Variants in DHRS2 observed in about 807,000 individuals in gnomAD.
DHRS2 encodes the protein dehydrogenase/reductase 2.
A neutral mutation model predicts 26.3 loss-of-function variants in DHRS2; 29 were observed. The observed-to-expected ratio is 1.10, with a 90% confidence interval of 0.82 to 1.50. The LOEUF is 1.50. DHRS2 is among the 40% of genes most tolerant of loss of function. The pLI is 0.00. For missense variants in DHRS2, 439 were observed against 367.1 expected, an observed-to-expected ratio of 1.20 and a Z score of -1.60; for synonymous variants, 164 against 151.3, an observed-to-expected ratio of 1.08 and a Z score of -0.62.
Position 23,638,938 on chromosome 14 carries a change from G to A in DHRS2, c.74G>A (p.Ser25Asn), listed in dbSNP as rs148435951. 4.1e-5 allele frequency: 66 copies of A among 1,614,052 alleles called. No homozygotes were observed. Among genetic ancestry groups the A allele is most frequent in the Non-Finnish European group, 5.4e-5 (64 of 1,180,042 alleles). Residue 25 changes from serine (S) to asparagine (N), a missense_variant, in exon 2 of 9, where the codon AGC (serine) becomes AAC (asparagine). Coordinates refer to ENST00000250383, the MANE Select transcript of DHRS2 (RefSeq NM_005794.4). ...PCARLSVRMSSTGIDRKGVLA... is the reference protein window; with the variant it reads ...PCARLSVRMSNTGIDRKGVLA... ...GCTAGGCTTTCTGTGAGGATGAGCA[G>A]CACCGGGATAGACAGGAAGGGCGTC... is the stretch of plus-strand genomic sequence containing the variant.
chr14:23,638,157 A>G (rs1225747487), intron 1 of DHRS2: 1 of 153,080 alleles, frequency 6.5e-6, no homozygotes, highest in Admixed American at 6.5e-5. Flanking sequence ...CTCCAGACGC[A>G]CTGCCTTTAA....
intron 8 of DHRS2, 85 bp downstream of exon 8, chr14:23,644,967 C>A: frequency 1.3e-6 from 2 of 1,565,088 alleles, no homozygotes; most frequent in South Asian, 2.2e-5. Context: ...CCCTCCCTGT[C>A]ATCTGGCCAT....
Position 23,639,002 on chromosome 14 carries a change from T to G in DHRS2, c.138T>G (p.Ser46Arg). The change falls in exon 2 of 9, where the codon AGT becomes AGG. Residue 46 changes from serine (S) to arginine (R), a missense_variant and splice_region_variant. Physicochemically the swap from Ser to Arg is moderately radical, Grantham distance 110. Coordinates refer to ENST00000250383, the MANE Select transcript of DHRS2 (RefSeq NM_005794.4). ...TAGCCGTGGTCACGGGGTCCACCAG[T>G]GGGTGAGTGCTGGATTGCCCATGGG... ...NRVAVVTGST[S>R]GIGFAIARRL... 6.2e-7 allele frequency: 1 copy of G among 1,612,830 alleles called. No individual in the cohort carries two copies. The highest frequency in any genetic ancestry group is 8.5e-7 in the Non-Finnish European group (1 of 1,179,886).
chr14:23,631,313 T>G (rs1437605862), intron 1 of DHRS2, among the ~76,000 whole-genome samples: 1 of 152,068 alleles, frequency 6.6e-6, no homozygotes. Context: ...ATGCCTGAAC[T>G]CAAAAGGGAG....
At chr14:23,630,166 A>C (rs222728) in exon 1 of DHRS2, 1 of 152,136 alleles carries the variant, frequency 6.6e-6, no homozygotes, top group Admixed American at 6.5e-5. Flanking sequence ...TCACATCCTC[A>C]TACTCAGCTG....
chr14:23,639,466 C>G, intron 3 of DHRS2, 110 bp downstream of exon 3: 1 of 1,392,212 alleles, frequency 7.2e-7, no homozygotes, highest in Non-Finnish European at 9.4e-7. Flanking sequence ...ACCATGACTG[C>G]ACCCAGGCTG....
Position 23,643,302 on chromosome 14 carries a change from G to A in DHRS2, c.488+83G>A, listed in dbSNP as rs544392542. On this transcript the variant is annotated intron_variant, in intron 5 of 8. Transcript: ENST00000250383. ...AATACAGTCGGTAGCACAGCCAGTA[G>A]TGGGTAGAGGACAGAAGAGGTCTGG... 4 of 1,278,454 alleles carry A rather than the reference G, an allele frequency of 3.1e-6. No homozygotes were observed. In the South Asian group the frequency reaches 4.8e-5, roughly 15 times the overall value. 79.2% of individuals were successfully genotyped at this position (1,278,454 alleles called of 1,614,324 possible). A position where few individuals can be genotyped will look rare whatever the true frequency, so the allele number is the denominator to read the frequency against.
intron 4 of DHRS2, chr14:23,641,078 A>T (rs1033149275): frequency 6.6e-6 from 1 of 152,590 alleles, no homozygotes; most frequent in Non-Finnish European, 1.5e-5. Flanking sequence ...CTTGGCCTTC[A>T]GTGAGCAATT....
chr14:23,636,633 CATCAAT>C lies in DHRS2; in HGVS notation c.-177_-172del, dbSNP rs1178334220. 6.6e-6 allele frequency: 1 copy of C among 152,120 alleles called. No homozygotes were observed. The highest frequency in any genetic ancestry group is 1.5e-5 in the Non-Finnish European group (1 of 68,070). The allele number at this position is 152,120 out of a possible 1,614,324, so 9.4% of individuals were successfully genotyped here. A position where few individuals can be genotyped will look rare whatever the true frequency, so the allele number is the denominator to read the frequency against. ...CTTGAAGTCAGTGAGGCCAAGAACCCATCAATTCCGTACACATTTTGGTGACTTTGA... is the reference window on the plus strand; with the variant it reads ...CTTGAAGTCAGTGAGGCCAAGAACCCTCCGTACACATTTTGGTGACTTTGA... On this transcript the variant is annotated 5_prime_UTR_variant, in exon 1 of 9. Coordinates refer to ENST00000250383, the MANE Select transcript of DHRS2 (RefSeq NM_005794.4).
intron 4 of DHRS2, chr14:23,641,677 T>TTATTA: frequency 2.3e-6 from 3 of 1,289,794 alleles, no homozygotes; most frequent in Non-Finnish European, 3.0e-6. Flanking sequence ...GACCTCAGGG[T>TTATTA]GGTACCCACT....
chr14:23,644,069 A>G (rs1465827187), intron 5 of DHRS2, 42 bp from the exon 6 acceptor site: 16 of 1,599,864 alleles, frequency 1.0e-5, no homozygotes, highest in Non-Finnish European at 1.4e-5. Context: ...CATCAGTGGT[A>G]AGCTCTTAGC....
At chr14:23,638,599 T>C (rs1405564400) in intron 1 of DHRS2, 1 of 421,540 alleles carries the variant, frequency 2.4e-6, no homozygotes, top group East Asian at 4.8e-5. Context: ...TAATGAATGT[T>C]GAGTCTCACA....
intron 4 of DHRS2, chr14:23,641,529 C>A: frequency 2.6e-6 from 3 of 1,151,524 alleles, no homozygotes; most frequent in South Asian, 1.5e-5. Flanking sequence ...TTCCTGAGTC[C>A]AGGAGGGGTC....
intron 1 of DHRS2, 120 bp from the exon 2 acceptor site, chr14:23,638,707 C>T (rs1399250560): frequency 9.5e-7 from 1 of 1,053,588 alleles, no homozygotes; most frequent in Non-Finnish European, 1.4e-6. Context: ...TTACCCTAAC[C>T]AGCCTGACTC....
upstream of DHRS2, among the ~76,000 whole-genome samples, chr14:23,631,899 G>A (rs539452392): frequency 3.9e-5 from 6 of 152,206 alleles, no homozygotes; most frequent in Non-Finnish European, 7.3e-5. Context: ...AGGGGAAGCA[G>A]GGGAGACAGA....
At chr14:23,641,673 AGG>A in intron 4 of DHRS2, 3 of 1,289,844 alleles carry the variant, frequency 2.3e-6, no homozygotes, top group Non-Finnish European at 3.0e-6. Context: ...TAGGGACCTC[AGG>A]GTGGTACCCA....
chr14:23,632,824 C>T (rs773547284), upstream of DHRS2, among the ~76,000 whole-genome samples: 19 of 152,200 alleles, frequency 1.2e-4, no homozygotes, highest in South Asian at 4.1e-4. Flanking sequence ...TCACATCTGT[C>T]GGCCCCTTGG....
At position 23,645,436 on chromosome 14, in the gene DHRS2, C is replaced by T. The variant is rs1890840819; in HGVS notation, c.*183C>T. On this transcript the variant is annotated 3_prime_UTR_variant, in exon 9 of 9. Coordinates refer to ENST00000250383, the MANE Select transcript of DHRS2 (RefSeq NM_005794.4). ...CGGCATTCTCCTTAGGACTTATCTG[C>T]TTGTAGATTTGGCTGATCCAATTAA... 3.1e-6 allele frequency: 4 copies of T among 1,284,120 alleles called. No individual in the cohort carries two copies. The highest frequency in any genetic ancestry group is 4.2e-6 in the Non-Finnish European group (4 of 944,986). 79.5% of individuals were successfully genotyped at this position (1,284,120 alleles called of 1,614,324 possible). A position where few individuals can be genotyped will look rare whatever the true frequency, so the allele number is the denominator to read the frequency against.
At position 23,639,254 on chromosome 14, in the gene DHRS2, C is replaced by T. The variant is rs763650696; in HGVS notation, c.216C>T (p.Asn72=). The T allele has an allele frequency of 5.0e-6, 8 of 1,613,428 alleles. No individual in the cohort carries two copies. Among genetic ancestry groups the T allele is most frequent in the Non-Finnish European group, 6.8e-6 (8 of 1,179,774 alleles). ...TCATCAGCAGCCGGAAGCAGCAGAA[C>T]GTGGACCGGGCCATGGCCAAGCTGC... The part of the protein sequence containing the change: ...HVVISSRKQQ[N]VDRAMAKLQG... The change falls in exon 3 of 9, where the codon AAC becomes AAT. Residue 72 remains asparagine, a synonymous_variant. Transcript: ENST00000250383.
Sources: allele counts gnomAD v4.1 joint callset (sites outside exome capture counted in the v4.1 genomes callset), GRCh38; gene constraint gnomAD v4.1.1; transcripts MANE v1.5; gene names NCBI Gene and HGNC (gene_info 2026-07-23, HGNC 2026-07-21).